The following RALYL variants were observed in gnomAD, a reference collection of about 807,000 sequenced individuals.
RALYL encodes RNA-binding Raly-like protein.
RALYL carries 29 observed loss-of-function variants against 35.1 expected under a neutral mutation model. The ratio of observed to expected loss-of-function variants is 0.83; its 90% confidence interval spans 0.61 to 1.13. The LOEUF is 1.13. RALYL is among the 50% of genes most tolerant of loss of function. The probability of loss-of-function intolerance (pLI) is 0.00; values close to 1 mark genes in which losing one functional copy is unlikely to be tolerated. For synonymous variants in RALYL, 120 were observed against 127.6 expected (o/e 0.94, Z 0.40); for missense variants, 359 against 360.4 (o/e 1.00, Z 0.03).
chr8:84,517,838 C>T (rs2058176308), intron 1 of RALYL, among the ~76,000 whole-genome samples: 1 of 152,062 alleles, frequency 6.6e-6, no homozygotes, highest in South Asian at 2.1e-4. Context: ...TGCTTAGTAC[C>T]TTAGTGCATC....
chr8:84,325,296 TCACTGAATTATA>T (rs1420633736), intron 1 of RALYL, among the ~76,000 whole-genome samples: 1 of 152,186 alleles, frequency 6.6e-6, no homozygotes, highest in Non-Finnish European at 1.5e-5. Flanking sequence ...TCAATTTCAT[TCACTGAATTATA>T]GATTTCCCTG....
At chr8:84,853,857 A>G (rs1836392190) in intron 5 of RALYL, among the ~76,000 whole-genome samples, 1 of 151,798 alleles carries the variant, frequency 6.6e-6, no homozygotes, top group Admixed American at 6.6e-5. Context: ...TCTCTCTTTT[A>G]GCAGAGGTGC....
At chr8:84,599,875 G>A (rs763293037) in intron 2 of RALYL, among the ~76,000 whole-genome samples, 15 of 149,814 alleles carry the variant, frequency 1.0e-4, no homozygotes, top group South Asian at 2.1e-4. Flanking sequence ...TGTTATTTGC[G>A]GAGGGATGTG....
chr8:84,659,543 G>A (rs1830534365), intron 2 of RALYL, among the ~76,000 whole-genome samples: 1 of 152,014 alleles, frequency 6.6e-6, no homozygotes, highest in Non-Finnish European at 1.5e-5. Flanking sequence ...TCCTTAAAGG[G>A]GACCTAAGCA....
intron 2 of RALYL, among the ~76,000 whole-genome samples, chr8:84,613,031 T>C (rs1351367571): frequency 6.6e-6 from 1 of 151,702 alleles, no homozygotes; most frequent in South Asian, 2.1e-4. Context: ...AGTTCATGGA[T>C]TGCAGAAGCT....
At chr8:84,502,244 CTATA>C (rs1464390320) in intron 1 of RALYL, among the ~76,000 whole-genome samples, 1 of 151,862 alleles carries the variant, frequency 6.6e-6, no homozygotes, top group Admixed American at 6.6e-5. Context: ...ATATCTATGA[CTATA>C]TAATATCTTG....
At position 84,808,466 on chromosome 8, in the gene RALYL, A is replaced by T. The variant is rs1586438584; in HGVS notation, c.365+3664A>T. Among the ~76,000 whole-genome samples, 3 of 152,232 alleles carry T rather than the reference A, an allele frequency of 2.0e-5. No individual in the cohort carries two copies. In the South Asian group the frequency reaches 6.2e-4, roughly 32 times the overall value. ...GCCTCCAGATTTGTTCTTTTTGCTT[A>T]GTCTTGTTTTGGCTATACGGGCTCT... On this transcript the variant is annotated intron_variant, in intron 4 of 8. Coordinates refer to ENST00000521268, the MANE Select transcript of RALYL (RefSeq NM_173848.7).
intron 2 of RALYL, among the ~76,000 whole-genome samples, chr8:84,532,535 G>A (rs2059341458): frequency 6.6e-6 from 1 of 151,874 alleles, no homozygotes; most frequent in Non-Finnish European, 1.5e-5. Flanking sequence ...TGAAATAATA[G>A]GCTATTATTA....
At chr8:84,276,282 C>G (rs533964597) in intron 1 of RALYL, among the ~76,000 whole-genome samples, 1 of 152,162 alleles carries the variant, frequency 6.6e-6, no homozygotes, top group South Asian at 2.1e-4. Flanking sequence ...TTATCAAATA[C>G]TGAAATGTGT....
At chr8:84,292,108 T>C (rs543202285) in intron 1 of RALYL, among the ~76,000 whole-genome samples, 7 of 152,098 alleles carry the variant, frequency 4.6e-5, no homozygotes, top group Non-Finnish European at 7.4e-5. Context: ...ATTTTGGATA[T>C]AATAAAATGT....
intron 2 of RALYL, among the ~76,000 whole-genome samples, chr8:84,573,581 G>GTTTA (rs1186406493): frequency 2.6e-5 from 4 of 151,790 alleles, no homozygotes; most frequent in African/African-American, 9.7e-5. Flanking sequence ...GAATCAGTAA[G>GTTTA]TTTATTTGTT....
intron 1 of RALYL, among the ~76,000 whole-genome samples, chr8:84,367,318 A>ATTTGTTTTTGT (rs756622990): frequency 1.5e-4 from 4 of 27,400 alleles, no homozygotes; most frequent in Non-Finnish European, 3.9e-4. Context: ...TAATTTTTGT[A>ATTTGTTTTTGT]TTTTTTTTTT....
chr8:84,841,476 T>C (rs781635444), intron 4 of RALYL, among the ~76,000 whole-genome samples: 2 of 152,092 alleles, frequency 1.3e-5, no homozygotes, highest in Non-Finnish European at 1.5e-5. Flanking sequence ...AGCAAGTCCT[T>C]AGAGACCTAC....
At chr8:84,472,247 G>T (rs2052863150) in intron 1 of RALYL, among the ~76,000 whole-genome samples, 1 of 152,040 alleles carries the variant, frequency 6.6e-6, no homozygotes, top group South Asian at 2.1e-4. Context: ...GCAAATTTGT[G>T]TGTATAAGGT....
intron 1 of RALYL, among the ~76,000 whole-genome samples, chr8:84,438,634 C>T (rs536186999): frequency 2.0e-5 from 3 of 152,074 alleles, no homozygotes; most frequent in South Asian, 2.1e-4. Flanking sequence ...TCAAGTGATT[C>T]GCCCACCTTG....
intron 2 of RALYL, among the ~76,000 whole-genome samples, chr8:84,664,801 A>C (rs1831650414): frequency 6.6e-6 from 1 of 151,948 alleles, no homozygotes; most frequent in African/African-American, 2.4e-5. Flanking sequence ...CTCTCTTTCT[A>C]CTTGAATGCC....
chr8:84,756,762 G>T (rs1237136425), intron 2 of RALYL, among the ~76,000 whole-genome samples: 1 of 148,890 alleles, frequency 6.7e-6, no homozygotes, highest in African/African-American at 2.5e-5. Flanking sequence ...CATTATAAAA[G>T]ATATGTTGTA....
chr8:84,490,716 T>TTTA (rs1000111643), intron 1 of RALYL, among the ~76,000 whole-genome samples: 10 of 150,138 alleles, frequency 6.7e-5, no homozygotes, highest in Middle Eastern at 3.2e-3. Flanking sequence ...TATATATATT[T>TTTA]TTATTATTAT....
chr8:84,638,871 A>AATATATATATAT (rs71273908), intron 2 of RALYL, among the ~76,000 whole-genome samples: 9 of 86,264 alleles, frequency 1.0e-4, no homozygotes, highest in Non-Finnish European at 1.6e-4. Context: ...TGCACGCATA[A>AATATATATATAT]ATATATATAT....
Sources: gnomAD v4.1 joint callset for allele counts (sites outside exome capture counted in the v4.1 genomes callset) on GRCh38, gnomAD v4.1.1 for gene constraint, MANE v1.5 for transcripts, NCBI Gene and HGNC (gene_info 2026-07-23, HGNC 2026-07-21) for gene names.